Variants in LAMA1 observed in about 807,000 individuals in gnomAD.
LAMA1 encodes laminin subunit alpha-1.
Under a neutral mutation model 348.7 loss-of-function variants are expected in LAMA1, and 219 were observed. The observed-to-expected ratio is 0.63, with a 90% CI of 0.56 to 0.70. The LOEUF (loss-of-function observed/expected upper bound fraction) is 0.70. Ranked by LOEUF, LAMA1 falls within the 30% of genes least tolerant of loss-of-function variation. The pLI is 0.00. For missense variants in LAMA1, 3,744 were observed against 3,888.0 expected (o/e 0.96, Z 0.99); for synonymous variants, 1,487 against 1,491.0 (o/e 1.00, Z 0.06).
chr18:7,032,518 A>T (rs1386808212), intron 15 of LAMA1, among the ~76,000 whole-genome samples: 1 of 152,214 alleles, frequency 6.6e-6, no homozygotes, highest in Non-Finnish European at 1.5e-5. Context: ...TTAGCAACAG[A>T]TTACTTTCAT....
chr18:7,076,836 G>C (rs1289803612), intron 3 of LAMA1: 3 of 152,114 alleles, frequency 2.0e-5, no homozygotes, highest in African/African-American at 7.2e-5. Context: ...TGAAGGACTG[G>C]CAAAATGTTG....
At chr18:6,975,432 CCT>C (rs995307300) in intron 45 of LAMA1, among the ~76,000 whole-genome samples, 35 of 152,232 alleles carry the variant, frequency 2.3e-4, no homozygotes, top group African/African-American at 6.0e-4. Flanking sequence ...AGGTCCCACC[CCT>C]GTCACAGACT....
chr18:6,999,754 A>G, intron 31 of LAMA1, 116 bp from the exon 32 acceptor site: 1 of 1,215,048 alleles, frequency 8.2e-7, no homozygotes, highest in Non-Finnish European at 1.2e-6. Context: ...CACCTTGGGA[A>G]AACTTGTTCT....
In LAMA1 at chr18:6,965,417, T is replaced by C. The variant is rs1272667332; in HGVS notation, c.7066A>G (p.Ile2356Val). 4 of 1,614,128 alleles carry C rather than the reference T, an allele frequency of 2.5e-6. No individual in the cohort carries two copies. The highest frequency in any genetic ancestry group is 1.7e-5 in the Admixed American group (1 of 60,010). The change falls in exon 50 of 63, where the codon ATC (isoleucine) becomes GTC (valine). Residue 2356 changes from isoleucine to valine, a missense_variant. By Grantham distance (29) the Ile-to-Val change is conservative. Around this residue, in one of 3 missense-constraint regions of LAMA1, gnomAD observed 1,983 missense variants for 1,934.3 expected, o/e 1.03. Transcript: ENST00000389658. Reference protein sequence around the residue: ...GSYGTKDFLSIELFRGRVKVM... With the variant: ...GSYGTKDFLSVELFRGRVKVM... ...TTCACTCTGCCACGAAACAGCTCGATGGATAAAAAGTCTTTCTGTAAAAAA... is the reference window on the plus strand; with the variant it reads ...TTCACTCTGCCACGAAACAGCTCGACGGATAAAAAGTCTTTCTGTAAAAAA...
In LAMA1 at chr18:7,008,587, C is replaced by A; in HGVS notation, c.4023G>T (p.Glu1341Asp). The A allele has an allele frequency of 6.2e-7, 1 of 1,614,052 alleles. No individual in the cohort carries two copies. The highest frequency in any genetic ancestry group is 1.1e-5 in the South Asian group (1 of 91,076). ...GCAGCTTTTCAGCCTTTCTGCCAAC[C>A]TCCATTGAAATGTCTGAGATTCTGT... is the stretch of plus-strand genomic sequence containing the variant. The part of the protein sequence containing the change: ...QQSRISDISM[E>D]VGRKAEKLHP... The change falls in exon 28 of 63, where the codon GAG (glutamate) becomes GAT (aspartate). Residue 1341 changes from glutamate (E) to aspartate (D), a missense_variant. Transcript: ENST00000389658.
intron 26 of LAMA1, 31 bp downstream of exon 26, chr18:7,010,169 A>C: frequency 6.2e-7 from 1 of 1,610,422 alleles, no homozygotes; most frequent in Non-Finnish European, 8.5e-7. Flanking sequence ...AATGTCTTTA[A>C]GGAACTTCTA....
intron 8 of LAMA1, chr18:7,043,012 C>A: frequency 1.7e-6 from 1 of 583,716 alleles, no homozygotes; most frequent in South Asian, 2.1e-5. Context: ...CTAATGGACC[C>A]CTGAATTCAA....
In LAMA1 at chr18:6,973,305, A is replaced by T. The variant is rs563906861; in HGVS notation, c.6624-98T>A. The T allele has an allele frequency of 7.0e-6, 8 of 1,148,436 alleles. No homozygotes were observed. The South Asian group carries it at 7.7e-5, about 11-fold the overall frequency. 71.1% of individuals were successfully genotyped at this position (1,148,436 alleles called of 1,614,324 possible). ...CACACCCACCATCTGCTTCTCCCCA[A>T]GGGCCCTGCAACAGCACCCCCCTGC... On this transcript the variant is annotated intron_variant, in intron 46 of 62. Transcript: ENST00000389658.
chr18:6,948,368 C>T lies in LAMA1; in HGVS notation c.8710+35G>A, dbSNP rs144250531. 1.6e-4 allele frequency: 254 copies of T among 1,613,738 alleles called. 1 individual carries two copies. The highest frequency in any genetic ancestry group is 2.0e-4 in the Non-Finnish European group (238 of 1,179,964). On this transcript the variant is annotated intron_variant, in intron 60 of 62. Coordinates refer to ENST00000389658, the MANE Select transcript of LAMA1 (RefSeq NM_005559.4). ...CATCGCTTTAGAGTACAGACTCATT[C>T]GGGGACTGCCTTCGAGAGTGTTGCT...
At chr18:6,969,107 AAT>A (rs1303810854) in intron 48 of LAMA1, among the ~76,000 whole-genome samples, 3 of 152,148 alleles carry the variant, frequency 2.0e-5, no homozygotes, top group Non-Finnish European at 4.4e-5. Flanking sequence ...CACTTCACAA[AAT>A]ATGTTTTACG....
Position 7,013,845 on chromosome 18 carries a change from A to G in LAMA1, c.3333T>C (p.Cys1111=). 1 of 1,611,758 alleles carries G rather than the reference A, an allele frequency of 6.2e-7. No homozygotes were observed. The highest frequency in any genetic ancestry group is 8.5e-7 in the Non-Finnish European group (1 of 1,178,844). ...AAGGGCAGGCCCCGGTTTCCTCCAC[A>G]CAGCCGCAGAGACCCTGCTCCAGGT... The part of the protein sequence containing the change: ...ACNLEQGLCG[C]VEETGACPCK... The change falls in exon 23 of 63, where the codon TGT becomes TGC. Residue 1111 remains cysteine, a synonymous_variant. Coordinates refer to ENST00000389658, the MANE Select transcript of LAMA1 (RefSeq NM_005559.4).
At chr18:7,050,983 C>T (rs1471574399) in intron 3 of LAMA1, 47 bp from the exon 4 acceptor site, 1 of 1,608,742 alleles carries the variant, frequency 6.2e-7, no homozygotes, top group South Asian at 1.1e-5. Context: ...CAATACAAGC[C>T]AGGCACAGAA....
rs374638955 is a variant in LAMA1 at position 7,050,792 on chromosome 18, T to G, written c.490A>C (p.Asn164His). ...VSDSECLSRYNITPRRGPPTY... is the reference protein window; with the variant it reads ...VSDSECLSRYHITPRRGPPTY... ...GGTGGCCCTCGTCTTGGAGTTATAT[T>G]GTAACGAGACAAACACTCTGAGTCG... The change falls in exon 4 of 63, where the codon AAT becomes CAT. Residue 164 changes from asparagine (N) to histidine (H), a missense_variant. Coordinates refer to ENST00000389658, the MANE Select transcript of LAMA1 (RefSeq NM_005559.4). 241 of 1,614,054 alleles carry G rather than the reference T, an allele frequency of 1.5e-4. No homozygotes were observed. Among genetic ancestry groups the G allele is most frequent in the Non-Finnish European group, 2.0e-4 (231 of 1,180,034 alleles).
At position 6,977,895 on chromosome 18, in the gene LAMA1, G is replaced by C. The variant is rs771701717; in HGVS notation, c.6191-14C>G. ...CAGCCAACAGAGCTAACAAATACAA[G>C]AAGGCAAGGGGTGGCAAGAAAGTTG... On this transcript the variant is annotated splice_polypyrimidine_tract_variant and intron_variant, in intron 43 of 62. Transcript: ENST00000389658. 3 of 1,609,232 alleles carry C rather than the reference G, an allele frequency of 1.9e-6. No individual in the cohort carries two copies. Among genetic ancestry groups the C allele is most frequent in the Non-Finnish European group, 2.5e-6 (3 of 1,179,942 alleles).
intron 48 of LAMA1, 74 bp from the exon 49 acceptor site, chr18:6,966,371 TCTC>T (rs111754339): frequency 0.025 from 32,853 of 1,293,362 alleles, 523 homozygotes; most frequent in African/African-American, 0.054. Context: ...CTTACTGAGT[TCTC>T]CTTCACAAAG....
rs2057798502 is a variant in LAMA1 at position 6,999,590 on chromosome 18, G to A, written c.4518C>T (p.Cys1506=). ...YGNPQTPGGS[C]QKCDCNPHGS... is the part of the protein sequence containing the mutation. ...CGTGCGGGTTGCAGTCACACTTCTG[G>A]CAACTGCCACCTGGTGTTTGAGGGT... The change falls in exon 32 of 63, where the codon TGC becomes TGT. Residue 1506 remains cysteine, a synonymous_variant. Transcript: ENST00000389658. 1.2e-6 allele frequency: 2 copies of A among 1,613,830 alleles called. No homozygotes were observed.
Position 6,992,718 on chromosome 18 carries a change from T to C in LAMA1, c.5011A>G (p.Ile1671Val). 1.2e-6 allele frequency: 2 copies of C among 1,611,330 alleles called. No homozygotes were observed. The highest frequency in any genetic ancestry group is 1.7e-6 in the Non-Finnish European group (2 of 1,177,460). Residue 1671 changes from isoleucine to valine, a missense_variant and splice_region_variant, in exon 36 of 63, where the codon ATT becomes GTT. By Grantham distance (29) the Ile-to-Val change is conservative. Coordinates refer to ENST00000389658, the MANE Select transcript of LAMA1 (RefSeq NM_005559.4). The stretch of plus-strand genomic sequence containing the variant: ...TGATTTAAAGTTGTCTTTTCCATAA[T>C]TTCTATGGAGAAAATTCATCAATTA... ...IERLQMSITE[I>V]MEKTTLNQTL...
At chr18:7,025,474 A>T (rs2057938441) in intron 17 of LAMA1, among the ~76,000 whole-genome samples, 1 of 152,198 alleles carries the variant, frequency 6.6e-6, no homozygotes, top group African/African-American at 2.4e-5. Context: ...CCTGGGGCCC[A>T]CGGCCAGGTG....
intron 46 of LAMA1, among the ~76,000 whole-genome samples, chr18:6,974,686 G>A (rs1394994946): frequency 6.6e-6 from 1 of 151,952 alleles, no homozygotes; most frequent in Non-Finnish European, 1.5e-5. Flanking sequence ...GACCTCAGGT[G>A]ATCCGCCTGC....
Sources: gnomAD v4.1 joint callset for allele counts (sites outside exome capture counted in the v4.1 genomes callset) on GRCh38, gnomAD v4.1.1 for gene constraint, gnomAD v4.1.1 regional missense constraint, MANE v1.5 for transcripts, NCBI Gene and HGNC (gene_info 2026-07-23, HGNC 2026-07-21) for gene names.